Variants in CAD observed in about 807,000 individuals in gnomAD.
The protein encoded by CAD is carbamoyl-phosphate synthetase 2, aspartate transcarbamylase, and dihydroorotase.
In CAD, 81 loss-of-function variants were observed where a neutral mutation model predicts 237.2. The observed-to-expected ratio is 0.34, with a 90% confidence interval of 0.29 to 0.41. The LOEUF (loss-of-function observed/expected upper bound fraction) is 0.41. Among genes scored for constraint, CAD ranks in the 10% least tolerant of loss-of-function variants. The pLI is 1.00. For missense variants in CAD, 2,181 were observed against 2,951.7 expected (o/e 0.74, Z 6.05); for synonymous variants, 1,196 against 1,162.8 (o/e 1.03, Z -0.58).
rs758288711 is a variant in CAD at position 27,235,622 on chromosome 2, C to T, written c.4056C>T (p.Tyr1352=). 1 of 1,614,138 alleles carries T rather than the reference C, an allele frequency of 6.2e-7. No individual in the cohort carries two copies. The highest frequency in any genetic ancestry group is 8.5e-7 in the Non-Finnish European group (1 of 1,179,976). The change falls in exon 25 of 44, where the codon TAC becomes TAT. Residue 1352 remains tyrosine (Y), a synonymous_variant. Coordinates refer to ENST00000264705, the MANE Select transcript of CAD (RefSeq NM_004341.5). This position sits in a 1 kb window ranked among gnomAD's most constrained non-coding sequence, Gnocchi z 5.2. ...CCAGTCTCGGCACAGCTGACTTCTACACTGAGCATGGCGTCAAGGTGCAGG... is the reference window on the plus strand; with the variant it reads ...CCAGTCTCGGCACAGCTGACTTCTATACTGAGCATGGCGTCAAGGTGCAGG... ...LYASLGTADF[Y]TEHGVKVTAV... is the part of the protein sequence containing the mutation.
chr2:27,243,921 G>A lies in CAD; in HGVS notation c.*403G>A. On this transcript the variant is annotated 3_prime_UTR_variant, in exon 44 of 44. Transcript: ENST00000264705. ...GGCATTTTCACACTCGTGACTCTTTGGGACTCGGCAGGAGCGTGTTAACTC... is the reference window on the plus strand; with the variant it reads ...GGCATTTTCACACTCGTGACTCTTTAGGACTCGGCAGGAGCGTGTTAACTC... The A allele has an allele frequency of 5.2e-6, 1 of 193,036 alleles. No individual in the cohort carries two copies. The allele number at this position is 193,036 out of a possible 1,614,324, so 12.0% of individuals were successfully genotyped here. A position where few individuals can be genotyped will look rare whatever the true frequency, so the allele number is the denominator to read the frequency against.
At position 27,234,504 on chromosome 2, in the gene CAD, C is replaced by G. The variant is rs776608736; in HGVS notation, c.3619-14C>G. 5.0e-6 allele frequency: 8 copies of G among 1,612,406 alleles called. No homozygotes were observed. In the South Asian group the frequency reaches 8.8e-5, roughly 18 times the overall value. The stretch of plus-strand genomic sequence containing the variant: ...CCAACCTGCAGAAGGCCTGACCAGT[C>G]TTCTCTGCCCCAGGATGACCAGCTG... On this transcript the variant is annotated splice_polypyrimidine_tract_variant and intron_variant, in intron 22 of 43. Transcript: ENST00000264705.
chr2:27,238,223 C>T, intron 30 of CAD, 36 bp downstream of exon 30: 1 of 1,608,184 alleles, frequency 6.2e-7, no homozygotes, highest in Non-Finnish European at 8.5e-7. Context: ...GTCCCTGTTG[C>T]TTTCCCAGTA....
rs1488403028 is a variant in CAD, at chr2:27,240,440, T to G, written c.5593+79T>G. The G allele has an allele frequency of 6.7e-7, 1 of 1,491,892 alleles. No individual in the cohort carries two copies. Among genetic ancestry groups the G allele is most frequent in the African/African-American group, 1.4e-5 (1 of 72,530 alleles). The allele number at this position is 1,491,892 out of a possible 1,614,324, so 92.4% of individuals were successfully genotyped here. On this transcript the variant is annotated intron_variant, in intron 35 of 43. Transcript: ENST00000264705. The surrounding 1 kb of genome is among the most constrained non-coding windows in gnomAD (Gnocchi z 4.6). ...TTCCCAGTGCCTCGCCTTTCTCTAC[T>G]TACATGTCCTCCTCTCCATCCCTTT...
rs1190005363 is a variant in CAD, at chr2:27,237,622, C to A, written c.4563+77C>A. 4 of 1,576,130 alleles carry A rather than the reference C, an allele frequency of 2.5e-6. No homozygotes were observed. Among genetic ancestry groups the A allele is most frequent in the Non-Finnish European group, 3.5e-6 (4 of 1,158,646 alleles). ...CACCCTTGCTTCCCTGAGCCCTTTT[C>A]CTTCTGCCCCGCCCTATGGGCCCAG... On this transcript the variant is annotated intron_variant, in intron 28 of 43. Transcript: ENST00000264705. The surrounding 1 kb of genome is among the most constrained non-coding windows in gnomAD (Gnocchi z 4.0).
In CAD at chr2:27,242,898, G is replaced by A. The variant is rs749040465; in HGVS notation, c.6405G>A (p.Ala2135=). 4.3e-6 allele frequency: 7 copies of A among 1,614,018 alleles called. No individual in the cohort carries two copies. The highest frequency in any genetic ancestry group is 1.1e-5 in the South Asian group (1 of 91,074). Residue 2135 remains alanine (A), a synonymous_variant, in exon 42 of 44, where the codon GCG becomes GCA. Coordinates refer to ENST00000264705, the MANE Select transcript of CAD (RefSeq NM_004341.5). The surrounding 1 kb of genome is among the most constrained non-coding windows in gnomAD (Gnocchi z 6.4). ...KQEEFESIEE[A]LPDTDVLYMT... is the part of the protein sequence containing the mutation. Reference sequence around the variant, plus strand: ...AGGAATTCGAGAGCATTGAGGAGGCGCTGCCTGACACTGATGTGCTCTACA... The same window carrying A: ...AGGAATTCGAGAGCATTGAGGAGGCACTGCCTGACACTGATGTGCTCTACA...
At position 27,237,957 on chromosome 2, in the gene CAD, G is replaced by A. The variant is rs1169431056; in HGVS notation, c.4728+75G>A. 9 of 1,576,878 alleles carry A rather than the reference G, an allele frequency of 5.7e-6. No homozygotes were observed. The East Asian group carries it at 1.8e-4, about 31-fold the overall frequency. On this transcript the variant is annotated intron_variant, in intron 29 of 43. Transcript: ENST00000264705. This position sits in a 1 kb window ranked among gnomAD's most constrained non-coding sequence, Gnocchi z 4.0. Reference sequence around the variant, plus strand: ...TGTGGGCCCCTGCCTAAGTGGGCTGGTAGCAGTGAGGATTCAGGGGAGCTC... The same window carrying A: ...TGTGGGCCCCTGCCTAAGTGGGCTGATAGCAGTGAGGATTCAGGGGAGCTC...
chr2:27,232,776 C>G lies in CAD; in HGVS notation c.2892+82C>G, dbSNP rs1343802855. On this transcript the variant is annotated intron_variant, in intron 18 of 43. Transcript: ENST00000264705. This position sits in a 1 kb window ranked among gnomAD's most constrained non-coding sequence, Gnocchi z 4.1. Reference sequence around the variant, plus strand: ...TGCTTGGCACTAATCCTGGCATTTCCTATTAATTGCCGTCCCTTACTTTGG... The same window carrying G: ...TGCTTGGCACTAATCCTGGCATTTCGTATTAATTGCCGTCCCTTACTTTGG... The G allele has an allele frequency of 2.6e-6, 4 of 1,542,228 alleles. No individual in the cohort carries two copies. The East Asian group carries it at 9.0e-5, about 35-fold the overall frequency.
chr2:27,221,818 A>G (rs770175287), intron 3 of CAD, among the ~76,000 whole-genome samples: 12 of 122,516 alleles, frequency 9.8e-5, no homozygotes, highest in Non-Finnish European at 1.5e-4. Flanking sequence ...GGGTTCACAC[A>G]TTGCATTTGG....
Position 27,238,299 on chromosome 2 carries a change from A to AG in CAD, c.4860+114dup. 6.1e-6 allele frequency: 9 copies of AG among 1,476,144 alleles called. No individual in the cohort carries two copies. In the Middle Eastern group the frequency reaches 1.6e-3, roughly 262 times the overall value. The allele number at this position is 1,476,144 out of a possible 1,614,324, so 91.4% of individuals were successfully genotyped here. A position where few individuals can be genotyped will look rare whatever the true frequency, so the allele number is the denominator to read the frequency against. Reference sequence around the variant, plus strand: ...AGGAGGAGAGTCTGGAGACAGCAGGAGGAGGGTCTCGAGCCAGCACCCTTG... The same window carrying AG: ...AGGAGGAGAGTCTGGAGACAGCAGGAGGGAGGGTCTCGAGCCAGCACCCTTG... On this transcript the variant is annotated intron_variant, in intron 30 of 43. Transcript: ENST00000264705.
In CAD at chr2:27,223,626, A is replaced by T. The variant is rs147119054; in HGVS notation, c.873A>T (p.Thr291=). The T allele has an allele frequency of 2.5e-6, 4 of 1,613,860 alleles. No homozygotes were observed. The African/African-American group carries it at 4.0e-5, about 16-fold the overall frequency. The part of the protein sequence containing the change: ...LLVGSGRCFL[T]SQNHGFAVET... ...TGGGCTCTGGGCGCTGCTTTCTGAC[A>T]TCCCAGAACCATGGGTTTGCTGTGG... Residue 291 remains threonine, a synonymous_variant, in exon 7 of 44, where the codon ACA becomes ACT. Coordinates refer to ENST00000264705, the MANE Select transcript of CAD (RefSeq NM_004341.5).
rs188370134 is a variant in CAD at position 27,234,034 on chromosome 2, T to C, written c.3426T>C (p.Ser1142=). Residue 1142 remains serine, a synonymous_variant, in exon 22 of 44, where the codon TCT becomes TCC. Coordinates refer to ENST00000264705, the MANE Select transcript of CAD (RefSeq NM_004341.5). The part of the protein sequence containing the change: ...AKEIDVDAVA[S]DGVVAAIAIS... ...AGATTGACGTGGATGCCGTGGCCTC[T>C]GATGGTGTGGTGGCAGCCATCGCCA... 91 of 1,614,082 alleles carry C rather than the reference T, an allele frequency of 5.6e-5. No homozygotes were observed. The highest frequency in any genetic ancestry group is 3.3e-4 in the Middle Eastern group (2 of 6,046).
chr2:27,221,331 C>T lies in CAD; in HGVS notation c.336C>T (p.Gly112=). Residue 112 remains glycine, a synonymous_variant, in exon 3 of 44, where the codon GGC becomes GGT. Transcript: ENST00000264705. ...RTLHEWLQQH[G]IPGLQGVDTR... is the part of the protein sequence containing the mutation. ...TGCATGAGTGGCTGCAGCAGCATGG[C>T]ATCCCTGGCTTGCAAGGTATGGTGG... 2.5e-6 allele frequency: 4 copies of T among 1,576,598 alleles called. No individual in the cohort carries two copies. The highest frequency in any genetic ancestry group is 3.4e-6 in the Non-Finnish European group (4 of 1,162,780).
rs991802323 is a variant in CAD at position 27,236,650 on chromosome 2, G to A, written c.4315-99G>A. 2 of 1,538,024 alleles carry A rather than the reference G, an allele frequency of 1.3e-6. No homozygotes were observed. The highest frequency in any genetic ancestry group is 1.8e-6 in the Non-Finnish European group (2 of 1,112,820). On this transcript the variant is annotated intron_variant, in intron 26 of 43. Transcript: ENST00000264705. The surrounding 1 kb of genome is among the most constrained non-coding windows in gnomAD (Gnocchi z 4.1). ...GTGGCTACAGAGGGAGAGATGGTGG[G>A]TATAGAGTGTGCAGAGCCTGGTTTA...
rs3739093 is a variant in CAD, at chr2:27,239,235, G to C, written c.5253+3G>C. On this transcript the variant is annotated splice_donor_region_variant and intron_variant, in intron 32 of 43. Coordinates refer to ENST00000264705, the MANE Select transcript of CAD (RefSeq NM_004341.5). This position sits in a 1 kb window ranked among gnomAD's most constrained non-coding sequence, Gnocchi z 4.0. Reference sequence around the variant, plus strand: ...CGCAGGAGGACACCTATGTGGAGGTGTGGGGATGAGGCCCAGAGCAGGAGG... The same window carrying C: ...CGCAGGAGGACACCTATGTGGAGGTCTGGGGATGAGGCCCAGAGCAGGAGG... 7.7e-5 allele frequency: 123 copies of C among 1,603,198 alleles called. No homozygotes were observed. The East Asian group carries it at 2.8e-3, about 36-fold the overall frequency.
At position 27,224,996 on chromosome 2, in the gene CAD, C is replaced by G; in HGVS notation, c.1387-14C>G. 6.2e-7 allele frequency: 1 copy of G among 1,606,972 alleles called. No individual in the cohort carries two copies. ...CAAGGTTCTGATGCCTGTAACTCCC[C>G]TCTCCATCCTCAGGTGATACGTAAT... On this transcript the variant is annotated splice_polypyrimidine_tract_variant and intron_variant, in intron 10 of 43. Transcript: ENST00000264705.
chr2:27,243,761 T>G lies in CAD; in HGVS notation c.*243T>G, dbSNP rs1676449488. 3.8e-6 allele frequency: 2 copies of G among 528,776 alleles called. No individual in the cohort carries two copies. The highest frequency in any genetic ancestry group is 6.8e-5 in the Admixed American group (2 of 29,258). The allele number at this position is 528,776 out of a possible 1,614,324, so 32.8% of individuals were successfully genotyped here. The stretch of plus-strand genomic sequence containing the variant: ...CTGTACAGTCATTTTTCTACTGACT[T>G]AATAAACAGCCGAGCTGTCCCTTGA... On this transcript the variant is annotated 3_prime_UTR_variant, in exon 44 of 44. Transcript: ENST00000264705.
rs758201343 is a variant in CAD at position 27,242,167 on chromosome 2, C to T, written c.6096+44C>T. 11 of 1,600,212 alleles carry T rather than the reference C, an allele frequency of 6.9e-6. No individual in the cohort carries two copies. The African/African-American group carries it at 1.3e-4, about 19-fold the overall frequency. ...CTGAGATGGGGTTAAGAAGGCTGGA[C>T]CCAGGGGCATGAGAACCCTTCTGCC... On this transcript the variant is annotated intron_variant, in intron 39 of 43. Coordinates refer to ENST00000264705, the MANE Select transcript of CAD (RefSeq NM_004341.5). This position sits in a 1 kb window ranked among gnomAD's most constrained non-coding sequence, Gnocchi z 6.4.
In CAD at chr2:27,241,113, G is replaced by T; in HGVS notation, c.5694G>T (p.Gln1898His). The T allele has an allele frequency of 6.2e-7, 1 of 1,609,512 alleles. No homozygotes were observed. The highest frequency in any genetic ancestry group is 8.5e-7 in the Non-Finnish European group (1 of 1,177,982). The part of the protein sequence containing the change: ...TCYPPPPVPR[Q>H]ASPQNLGTPG... ...ACCCTCCACCACCAGTACCGAGACA[G>T]GCATCTCCCCAGAACCTGGGGACCC... The change falls in exon 37 of 44, where the codon CAG (glutamine) becomes CAT (histidine). Residue 1898 changes from glutamine (Q) to histidine (H), a missense_variant. Coordinates refer to ENST00000264705, the MANE Select transcript of CAD (RefSeq NM_004341.5). The surrounding 1 kb of genome is among the most constrained non-coding windows in gnomAD (Gnocchi z 4.6).
Sources: gnomAD v4.1 joint callset for allele counts (sites outside exome capture counted in the v4.1 genomes callset) on GRCh38, gnomAD v4.1.1 for gene constraint, Gnocchi (gnomAD v3.1) non-coding constraint, MANE v1.5 for transcripts, NCBI Gene and HGNC (gene_info 2026-07-23, HGNC 2026-07-21) for gene names.